CERS5: variants seen among roughly 807,000 people sequenced by gnomAD.
CERS5 encodes the protein ceramide synthase 5.
A neutral mutation model predicts 58.9 loss-of-function variants in CERS5; 37 were observed. The observed-to-expected ratio is 0.63, with a 90% CI of 0.48 to 0.83. The LOEUF (loss-of-function observed/expected upper bound fraction) is 0.83, where lower values mean the gene tolerates loss of function less well. Among genes scored for constraint, CERS5 ranks in the 40% least tolerant of loss-of-function variants. CERS5 has a pLI of 0.00. For missense variants in CERS5, 398 were observed against 489.3 expected (o/e 0.81, Z 1.76); for synonymous variants, 147 against 177.8 (o/e 0.83, Z 1.38).
In CERS5 at chr12:50,130,403, G is replaced by T; in HGVS notation, c.*142C>A. ...TACAAAATGGCAGTTTTCTTTCAAA[G>T]TGAAAATATTTGCTTCTTTGATACT... On this transcript the variant is annotated 3_prime_UTR_variant, in exon 10 of 10. Coordinates refer to ENST00000317551, the MANE Select transcript of CERS5 (RefSeq NM_147190.5). 1 of 697,284 alleles carries T rather than the reference G, an allele frequency of 1.4e-6. No homozygotes were observed. Among genetic ancestry groups the T allele is most frequent in the Non-Finnish European group, 2.2e-6 (1 of 453,090 alleles). The allele number at this position is 697,284 out of a possible 1,614,324, so 43.2% of individuals were successfully genotyped here.
At chr12:50,165,915 C>G in intron 1 of CERS5, 1 of 454,318 alleles carries the variant, frequency 2.2e-6, no homozygotes, top group Non-Finnish European at 4.4e-6. Flanking sequence ...TATAATATCA[C>G]ACACCAAAGC....
chr12:50,166,187 G>C, intron 1 of CERS5: 1 of 220,292 alleles, frequency 4.5e-6, no homozygotes, highest in South Asian at 4.6e-5. Flanking sequence ...GCCGGGCGTG[G>C]TGGCGCGTGC....
At chr12:50,161,067 A>G (rs1185077881) in intron 1 of CERS5, among the ~76,000 whole-genome samples, 2 of 152,226 alleles carry the variant, frequency 1.3e-5, no homozygotes, top group East Asian at 1.9e-4. Context: ...GTGGACAAGA[A>G]TAGACCCTTC....
intron 1 of CERS5, among the ~76,000 whole-genome samples, chr12:50,163,037 T>A (rs1939481410): frequency 6.6e-6 from 1 of 152,176 alleles, no homozygotes; most frequent in African/African-American, 2.4e-5. Flanking sequence ...TAGCTGGGAC[T>A]ACAGATGCAT....
At chr12:50,152,650 A>G (rs914779809) in intron 1 of CERS5, among the ~76,000 whole-genome samples, 2 of 152,230 alleles carry the variant, frequency 1.3e-5, no homozygotes, top group African/African-American at 4.8e-5. Context: ...CTCCCAAGGA[A>G]AACCATTTGT....
At chr12:50,163,628 C>T (rs1415304563) in intron 1 of CERS5, among the ~76,000 whole-genome samples, 1 of 152,152 alleles carries the variant, frequency 6.6e-6, no homozygotes, top group Non-Finnish European at 1.5e-5. Flanking sequence ...GCCAGGAGCT[C>T]AGGCCTCTAC....
At chr12:50,145,007 G>C in intron 1 of CERS5, 1 of 257,500 alleles carries the variant, frequency 3.9e-6, no homozygotes, top group South Asian at 6.1e-5. Context: ...GCGTGGTGGT[G>C]GGCGCCTGTA....
chr12:50,144,233 C>T (rs1952137975), intron 1 of CERS5, 176 bp from the exon 2 acceptor site: 1 of 522,628 alleles, frequency 1.9e-6, no homozygotes, highest in African/African-American at 1.9e-5. Flanking sequence ...TTTATCACTT[C>T]TTTAGGGTGA....
Position 50,129,460 on chromosome 12 carries a change from C to T in CERS5, c.*1085G>A, listed in dbSNP as rs1025484171. 1.4e-5 allele frequency: 2 copies of T among 148,032 alleles called. No individual in the cohort carries two copies. Among genetic ancestry groups the T allele is most frequent in the South Asian group, 4.2e-4 (2 of 4,712 alleles). The allele number at this position is 148,032 out of a possible 1,614,324, so 9.2% of individuals were successfully genotyped here. A position where few individuals can be genotyped will look rare whatever the true frequency, so the allele number is the denominator to read the frequency against. On this transcript the variant is annotated 3_prime_UTR_variant, in exon 10 of 10. Coordinates refer to ENST00000317551, the MANE Select transcript of CERS5 (RefSeq NM_147190.5). ...ATTCATATTTCACAACAATATTAGT[C>T]TATTCAATATAGCAAGTTGAGGAAC...
At chr12:50,150,656 TA>T (rs1937864100) in intron 1 of CERS5, among the ~76,000 whole-genome samples, 1 of 152,118 alleles carries the variant, frequency 6.6e-6, no homozygotes, top group Non-Finnish European at 1.5e-5. Context: ...AACATCAGCA[TA>T]AAAGGTGAAT....
intron 1 of CERS5, among the ~76,000 whole-genome samples, chr12:50,148,921 A>ATATATACAT (rs1218104568): frequency 1.3e-5 from 1 of 78,978 alleles, no homozygotes; most frequent in African/African-American, 5.1e-5. Flanking sequence ...AAAAAAAAAA[A>ATATATACAT]AAAAAAATAT....
chr12:50,130,927 G>A (rs974715940), intron 9 of CERS5, among the ~76,000 whole-genome samples: 3 of 152,168 alleles, frequency 2.0e-5, no homozygotes, highest in Admixed American at 6.5e-5. Flanking sequence ...AGCTACTTTG[G>A]TAGAGGAGTG....
intron 1 of CERS5, among the ~76,000 whole-genome samples, chr12:50,155,031 C>A (rs1168123731): frequency 6.6e-6 from 1 of 151,934 alleles, no homozygotes; most frequent in African/African-American, 2.4e-5. Flanking sequence ...TTAATTTTTG[C>A]ATTTTTAGTA....
intron 9 of CERS5, 165 bp downstream of exon 9, chr12:50,134,381 A>G (rs1489067482): frequency 6.4e-7 from 1 of 1,563,064 alleles, no homozygotes; most frequent in Non-Finnish European, 8.6e-7. Flanking sequence ...CTCTAAAATA[A>G]AAAAGGCAAA....
At chr12:50,142,894 A>AAG (rs1193273036) in intron 3 of CERS5, among the ~76,000 whole-genome samples, 180 bp downstream of exon 3, 4 of 152,228 alleles carry the variant, frequency 2.6e-5, no homozygotes, top group Non-Finnish European at 5.9e-5. Flanking sequence ...CAACATGCCC[A>AAG]AGAAACTTAA....
At chr12:50,153,024 C>G (rs1938148449) in intron 1 of CERS5, among the ~76,000 whole-genome samples, 1 of 151,846 alleles carries the variant, frequency 6.6e-6, no homozygotes, top group Non-Finnish European at 1.5e-5. Flanking sequence ...GAGCTGAGAT[C>G]CTGCCACTGC....
In CERS5 at chr12:50,143,090, T is replaced by G. The variant is rs1952064143; in HGVS notation, c.418A>C (p.Lys140Gln). The G allele has an allele frequency of 6.2e-7, 1 of 1,608,708 alleles. No individual in the cohort carries two copies. The highest frequency in any genetic ancestry group is 1.7e-5 in the Admixed American group (1 of 59,250). The change falls in exon 3 of 10, where the codon AAA becomes CAA. Residue 140 changes from lysine (K) to glutamine (Q), a missense_variant. Lys to Gln is a moderately conservative substitution (Grantham distance 53). This residue lies in a region of CERS5 where 328 missense variants were observed against 384.5 expected (regional missense o/e 0.85). Transcript: ENST00000317551. ...RNQDKPPTLT[K>Q]FCESMWRFTF... The stretch of plus-strand genomic sequence containing the variant: ...CGTACTTACATGCTTTCACAGAATT[T>G]AGTAAGCGTTGGGGGCTTGTCCTGA...
intron 2 of CERS5, 180 bp downstream of exon 2, chr12:50,143,772 G>T (rs113667454): frequency 7.8e-6 from 4 of 515,340 alleles, no homozygotes; most frequent in Non-Finnish European, 1.4e-5. Flanking sequence ...CTTGACATAC[G>T]TAGGGCCCAA....
chr12:50,162,351 TG>T (rs1349073208), intron 1 of CERS5, among the ~76,000 whole-genome samples: 6 of 152,060 alleles, frequency 3.9e-5, no homozygotes, highest in African/African-American at 1.4e-4. Flanking sequence ...AGAACTGGGC[TG>T]GGGAAAAAGA....
Sources: allele counts gnomAD v4.1 joint callset (sites outside exome capture counted in the v4.1 genomes callset), GRCh38; gene constraint gnomAD v4.1.1; regional missense constraint gnomAD v4.1.1; transcripts MANE v1.5; gene names NCBI Gene and HGNC (gene_info 2026-07-23, HGNC 2026-07-21).